HPSE2: variants seen among roughly 807,000 people sequenced by gnomAD.
HPSE2 encodes the protein heparanase 2 (inactive), also known as inactive heparanase-2.
In HPSE2, 38 loss-of-function variants were observed where a neutral mutation model predicts 60.5. The ratio of observed to expected loss-of-function variants is 0.63; its 90% CI spans 0.48 to 0.82. HPSE2 has a LOEUF of 0.82. Ranked by LOEUF, HPSE2 falls within the 40% of genes least tolerant of loss-of-function variation. The probability of loss-of-function intolerance (pLI) is 0.00; values close to 1 mark genes in which losing one functional copy is unlikely to be tolerated. For missense variants in HPSE2, 713 were observed against 740.4 expected (o/e 0.96, Z 0.43); for synonymous variants, 295 against 293.2 (o/e 1.01, Z -0.06).
In HPSE2 at chr10:99,235,741, C is replaced by T. The variant is rs143816972; in HGVS notation, c.62G>A (p.Cys21Tyr). The T allele has an allele frequency of 1.2e-4, 186 of 1,613,716 alleles. No individual in the cohort carries two copies. Among genetic ancestry groups the T allele is most frequent in the Middle Eastern group, 3.3e-4 (2 of 6,072 alleles). The change falls in exon 1 of 12, where the codon TGC becomes TAC. Residue 21 changes from cysteine to tyrosine, a missense_variant. Physicochemically the swap from Cys to Tyr is radical, Grantham distance 194. Transcript: ENST00000370552. Reference sequence around the variant, plus strand: ...CAAGTAGAGAGCCCCCGGGGCTAGGCACGCGGGGGGGCGGGAGTTGCTGGA... The same window carrying T: ...CAAGTAGAGAGCCCCCGGGGCTAGGTACGCGGGGGGGCGGGAGTTGCTGGA... ...MPSSNSRPPA[C>Y]LAPGALYLAL...
chr10:98,993,521 G>C (rs1031851589), intron 3 of HPSE2, among the ~76,000 whole-genome samples: 5 of 152,066 alleles, frequency 3.3e-5, no homozygotes, highest in Non-Finnish European at 7.4e-5. Flanking sequence ...ACTTTACTTT[G>C]AATATATTTT....
At chr10:98,781,057 G>C (rs995303633) in intron 3 of HPSE2, among the ~76,000 whole-genome samples, 10 of 151,914 alleles carry the variant, frequency 6.6e-5, no homozygotes, top group Non-Finnish European at 1.3e-4. Context: ...GCGGCATCAC[G>C]ATATGTAGGA....
chr10:98,802,524 T>C lies in HPSE2; in HGVS notation c.611-58468A>G, dbSNP rs866845362. Among the ~76,000 whole-genome samples, 757 of 130,308 alleles carry C rather than the reference T, an allele frequency of 5.8e-3. 2 individuals are homozygous for C. The highest frequency in any genetic ancestry group is 0.021 in the African/African-American group (708 of 34,096). 85.5% of individuals were successfully genotyped at this position (130,308 alleles called of 152,430 possible). On this transcript the variant is annotated intron_variant, in intron 3 of 11. Coordinates refer to ENST00000370552, the MANE Select transcript of HPSE2 (RefSeq NM_021828.5). ...TGTGATGTTCCCCTTCCTGTGTCCA[T>C]GTGTTCTCATTGTTCAATTCCCACC... is the stretch of plus-strand genomic sequence containing the variant.
chr10:99,281,466 C>G, the HPSE2 span, among the ~76,000 whole-genome samples: 1 of 151,896 alleles, frequency 6.6e-6, no homozygotes, highest in Non-Finnish European at 1.5e-5. Flanking sequence ...CACAAGAAAT[C>G]AGTAATTGTT....
chr10:98,468,348 G>A (rs1940639817), intron 11 of HPSE2, among the ~76,000 whole-genome samples: 1 of 152,170 alleles, frequency 6.6e-6, no homozygotes, highest in Non-Finnish European at 1.5e-5. Context: ...CTCTAAGACC[G>A]TCATGACCCT....
intron 3 of HPSE2, among the ~76,000 whole-genome samples, chr10:98,858,499 T>C (rs143977132): frequency 2.6e-5 from 4 of 152,310 alleles, no homozygotes; most frequent in Non-Finnish European, 5.9e-5. Flanking sequence ...ACAATTTTCA[T>C]TAATAATTCA....
chr10:99,227,109 G>A (rs995041337), intron 2 of HPSE2, among the ~76,000 whole-genome samples: 1 of 152,034 alleles, frequency 6.6e-6, no homozygotes, highest in African/African-American at 2.4e-5. Context: ...AGTCTTGATT[G>A]ATAGAATGGG....
At chr10:98,551,261 A>C (rs1313280612) in intron 9 of HPSE2, among the ~76,000 whole-genome samples, 2 of 152,100 alleles carry the variant, frequency 1.3e-5, no homozygotes, top group African/African-American at 2.4e-5. Flanking sequence ...GGAAGATCAT[A>C]CTGACAGCGC....
At chr10:99,123,031 G>A (rs1012885882) in intron 3 of HPSE2, among the ~76,000 whole-genome samples, 4 of 152,184 alleles carry the variant, frequency 2.6e-5, no homozygotes, top group South Asian at 2.1e-4. Context: ...GGCAAAAAAT[G>A]TTTTAAAAAC....
chr10:98,948,911 A>AATATAATAAATACAACAT (rs1955268022), intron 3 of HPSE2, among the ~76,000 whole-genome samples: 1 of 152,156 alleles, frequency 6.6e-6, no homozygotes. Flanking sequence ...AAGAATATAC[A>AATATAATAAATACAACAT]ATATAATAAA....
At chr10:98,707,915 T>C (rs1278249815) in intron 5 of HPSE2, among the ~76,000 whole-genome samples, 1 of 152,136 alleles carries the variant, frequency 6.6e-6, no homozygotes, top group Non-Finnish European at 1.5e-5. Flanking sequence ...ATCTACCATA[T>C]ATTATCATGA....
chr10:98,703,571 C>A (rs1018939601), intron 5 of HPSE2, among the ~76,000 whole-genome samples: 1 of 152,120 alleles, frequency 6.6e-6, no homozygotes, highest in African/African-American at 2.4e-5. Context: ...ACTTATCCAC[C>A]GTGATCAAGT....
At chr10:98,957,994 G>A (rs1955552221) in intron 3 of HPSE2, among the ~76,000 whole-genome samples, 1 of 152,132 alleles carries the variant, frequency 6.6e-6, no homozygotes, top group African/African-American at 2.4e-5. Context: ...AGAAGAAAGG[G>A]AACAGCTGGA....
chr10:98,960,718 TTTGTTTTA>T (rs1955642855), intron 3 of HPSE2, among the ~76,000 whole-genome samples: 5 of 44,780 alleles, frequency 1.1e-4, no homozygotes, highest in African/African-American at 4.4e-4. Flanking sequence ...TTTTTTTTTT[TTTGTTTTA>T]TTTTTTTTAT....
intron 9 of HPSE2, among the ~76,000 whole-genome samples, chr10:98,606,699 G>A (rs552241978): frequency 1.3e-5 from 2 of 152,176 alleles, no homozygotes; most frequent in South Asian, 2.1e-4. Flanking sequence ...TCTAATGACT[G>A]ACAGATTTTT....
chr10:98,949,642 G>T (rs1012444236), intron 3 of HPSE2, among the ~76,000 whole-genome samples: 3 of 152,054 alleles, frequency 2.0e-5, no homozygotes, highest in African/African-American at 7.2e-5. Context: ...AATTTATATG[G>T]TTATTGTTTG....
intron 3 of HPSE2, among the ~76,000 whole-genome samples, chr10:98,767,761 TTA>T (rs1358319342): frequency 4.1e-5 from 6 of 145,592 alleles, no homozygotes; most frequent in African/African-American, 1.2e-4. Flanking sequence ...TACTATATAG[TTA>T]TATATTACTA....
rs58049545 is a variant in HPSE2, at chr10:99,181,397, C to CAAAAAAAAAAAAAA, written c.449-37012_449-36999dup. Among the ~76,000 whole-genome samples the CAAAAAAAAAAAAAA allele has an allele frequency of 4.0e-4, 42 of 104,750 alleles. 1 individual carries two copies. Among genetic ancestry groups the CAAAAAAAAAAAAAA allele is most frequent in the African/African-American group, 2.1e-3 (38 of 18,516 alleles). 68.7% of individuals were successfully genotyped at this position (104,750 alleles called of 152,430 possible). A position where few individuals can be genotyped will look rare whatever the true frequency, so the allele number is the denominator to read the frequency against. On this transcript the variant is annotated intron_variant, in intron 2 of 11. Coordinates refer to ENST00000370552, the MANE Select transcript of HPSE2 (RefSeq NM_021828.5). The stretch of plus-strand genomic sequence containing the variant: ...TGGGCGACAGAGCGAGACTCCGTCT[C>CAAAAAAAAAAAAAA]AAAAAAAAAAAAAAAAAAAAAAAAG...
chr10:98,886,699 A>T (rs1168543186), intron 3 of HPSE2, among the ~76,000 whole-genome samples: 4 of 152,156 alleles, frequency 2.6e-5, no homozygotes, highest in Non-Finnish European at 5.9e-5. Flanking sequence ...GAATGGACTG[A>T]TTGGTAAGCT....
Sources: gnomAD v4.1 joint callset for allele counts (sites outside exome capture counted in the v4.1 genomes callset) on GRCh38, gnomAD v4.1.1 for gene constraint, MANE v1.5 for transcripts, NCBI Gene and HGNC (gene_info 2026-07-23, HGNC 2026-07-21) for gene names.